DCAF5: variants seen among roughly 807,000 people sequenced by gnomAD.
DCAF5 encodes DDB1- and CUL4-associated factor 5.
Under a neutral mutation model 80.7 loss-of-function variants are expected in DCAF5, and 9 were observed. That is an observed-to-expected ratio of 0.11 (90% confidence interval 0.07 to 0.19). DCAF5 has a LOEUF of 0.19. Ranked by LOEUF, DCAF5 falls within the 10% of genes least tolerant of loss-of-function variation. The pLI is 1.00. For missense variants in DCAF5, 842 were observed against 1,205.7 expected (o/e 0.70, Z 4.47); for synonymous variants, 433 against 461.9 (o/e 0.94, Z 0.80).
At chr14:69,057,373 T>C (rs2038018930) in intron 8 of DCAF5, among the ~76,000 whole-genome samples, 1 of 151,842 alleles carries the variant, frequency 6.6e-6, no homozygotes, top group South Asian at 2.1e-4. Flanking sequence ...ATCTTATTTG[T>C]AATTCTGAGC....
chr14:69,153,064 C>G lies in DCAF5; in HGVS notation c.-86G>C. On this transcript the variant is annotated 5_prime_UTR_variant, in exon 1 of 9. Coordinates refer to ENST00000341516, the MANE Select transcript of DCAF5 (RefSeq NM_003861.3). ...GCTGCTCCCCCCACCCGGCCCTCCCCCCGCGCTGCGATCCGGATGGTTCTT... is the reference window on the plus strand; with the variant it reads ...GCTGCTCCCCCCACCCGGCCCTCCCGCCGCGCTGCGATCCGGATGGTTCTT... 3 of 1,080,504 alleles carry G rather than the reference C, an allele frequency of 2.8e-6. No individual in the cohort carries two copies. Among genetic ancestry groups the G allele is most frequent in the Non-Finnish European group, 3.7e-6 (3 of 806,032 alleles). The allele number at this position is 1,080,504 out of a possible 1,614,324, so 66.9% of individuals were successfully genotyped here.
chr14:69,072,961 G>A (rs1014344491), intron 7 of DCAF5, among the ~76,000 whole-genome samples: 11 of 152,224 alleles, frequency 7.2e-5, no homozygotes, highest in Non-Finnish European at 1.6e-4. Context: ...TATGTGGAAA[G>A]TATTAACAGA....
At chr14:69,105,017 G>C (rs2040088355) in intron 5 of DCAF5, among the ~76,000 whole-genome samples, 1 of 152,020 alleles carries the variant, frequency 6.6e-6, no homozygotes, top group Non-Finnish European at 1.5e-5. Flanking sequence ...TACTTTTTAG[G>C]TGGAATAATA....
chr14:69,135,115 G>A (rs956207800), intron 1 of DCAF5, among the ~76,000 whole-genome samples: 1 of 152,210 alleles, frequency 6.6e-6, no homozygotes, highest in African/African-American at 2.4e-5. Context: ...CTCGAAGTGT[G>A]TCCCATGGAC....
Position 69,118,775 on chromosome 14 carries a change from G to A in DCAF5, c.395+419C>T, listed in dbSNP as rs137952177. On this transcript the variant is annotated intron_variant, in intron 3 of 8. Coordinates refer to ENST00000341516, the MANE Select transcript of DCAF5 (RefSeq NM_003861.3). This position sits in a 1 kb window ranked among gnomAD's most constrained non-coding sequence, Gnocchi z 4.0. ...TGTTATCTAACATGTCTGTGACTCC[G>A]TTTCCTGATCTAGAACGGAGATGAC... is the stretch of plus-strand genomic sequence containing the variant. Among the ~76,000 whole-genome samples the A allele has an allele frequency of 6.6e-6, 1 of 152,282 alleles. No homozygotes were observed. The highest frequency in any genetic ancestry group is 2.4e-5 in the African/African-American group (1 of 41,550).
intron 5 of DCAF5, among the ~76,000 whole-genome samples, chr14:69,105,266 C>T (rs1050110364): frequency 6.6e-6 from 1 of 151,982 alleles, no homozygotes; most frequent in African/African-American, 2.4e-5. Context: ...AATGGATAAA[C>T]AAAATGTGTA....
chr14:69,104,968 G>A (rs1033441833), intron 5 of DCAF5, among the ~76,000 whole-genome samples: 1 of 151,750 alleles, frequency 6.6e-6, no homozygotes, highest in Non-Finnish European at 1.5e-5. Flanking sequence ...AAAAACCATT[G>A]TAACAACTAG....
At chr14:69,062,594 T>G in intron 7 of DCAF5, 83 bp from the exon 8 acceptor site, 35 of 1,496,024 alleles carry the variant, frequency 2.3e-5, no homozygotes, top group Non-Finnish European at 2.9e-5. Context: ...TAAACAGCTC[T>G]GAATGGGAGC....
chr14:69,137,986 T>G (rs1182333243), intron 1 of DCAF5, among the ~76,000 whole-genome samples: 1 of 152,194 alleles, frequency 6.6e-6, no homozygotes, highest in East Asian at 1.9e-4. Flanking sequence ...AGGCATCCAC[T>G]GCGGGGCTTG....
chr14:69,065,314 C>T (rs2038396638), intron 7 of DCAF5, among the ~76,000 whole-genome samples: 1 of 152,102 alleles, frequency 6.6e-6, no homozygotes, highest in South Asian at 2.1e-4. Flanking sequence ...CCAGGCTGGC[C>T]TTGAACTCCT....
At chr14:69,142,635 T>C (rs1345629907) in intron 1 of DCAF5, among the ~76,000 whole-genome samples, 1 of 152,208 alleles carries the variant, frequency 6.6e-6, no homozygotes, top group Non-Finnish European at 1.5e-5. Context: ...TCCAAATGAC[T>C]TACTAGCACT....
chr14:69,151,699 G>A (rs906214177), intron 1 of DCAF5, among the ~76,000 whole-genome samples: 9 of 152,108 alleles, frequency 5.9e-5, no homozygotes, highest in African/African-American at 2.2e-4. Context: ...GGGAGGAGGG[G>A]ACGACGGCGG....
chr14:69,062,303 T>A, intron 8 of DCAF5, 81 bp downstream of exon 8: 5 of 1,434,702 alleles, frequency 3.5e-6, no homozygotes, highest in Non-Finnish European at 4.8e-6. Context: ...AAATATGAGG[T>A]CCTACATAAA....
intron 5 of DCAF5, among the ~76,000 whole-genome samples, chr14:69,094,537 T>C (rs999912066): frequency 6.6e-6 from 1 of 152,192 alleles, no homozygotes; most frequent in Admixed American, 6.5e-5. Context: ...GAAAACTTCA[T>C]GTTTTGTCAC....
chr14:69,147,588 A>G (rs975585167), intron 1 of DCAF5, among the ~76,000 whole-genome samples: 1 of 152,188 alleles, frequency 6.6e-6, no homozygotes, highest in East Asian at 1.9e-4. Context: ...TTCATACTCT[A>G]CAATCTCTCT....
intron 8 of DCAF5, among the ~76,000 whole-genome samples, chr14:69,059,093 G>A (rs774027289): frequency 6.6e-6 from 1 of 152,130 alleles, no homozygotes; most frequent in Non-Finnish European, 1.5e-5. Context: ...ATCATGATAC[G>A]CTTTTATTTT....
intron 7 of DCAF5, among the ~76,000 whole-genome samples, chr14:69,073,516 A>G (rs975371158): frequency 7.9e-5 from 12 of 152,094 alleles, no homozygotes; most frequent in Non-Finnish European, 4.4e-5. Context: ...GGCTGGGCAC[A>G]GTGGCTCATG....
At chr14:69,071,082 G>A (rs1262337607) in intron 7 of DCAF5, among the ~76,000 whole-genome samples, 2 of 152,194 alleles carry the variant, frequency 1.3e-5, no homozygotes, top group South Asian at 2.1e-4. Flanking sequence ...ATAGGCATGA[G>A]CCACTGCACC....
intron 5 of DCAF5, among the ~76,000 whole-genome samples, chr14:69,096,009 C>G (rs998902506): frequency 6.6e-6 from 1 of 152,162 alleles, no homozygotes; most frequent in African/African-American, 2.4e-5. Context: ...ATCACAGTTT[C>G]TGATTTAAGG....
Sources: allele counts gnomAD v4.1 joint callset (sites outside exome capture counted in the v4.1 genomes callset), GRCh38; gene constraint gnomAD v4.1.1; non-coding constraint Gnocchi (gnomAD v3.1); transcripts MANE v1.5; gene names NCBI Gene and HGNC (gene_info 2026-07-23, HGNC 2026-07-21).